Variants in TUSC3 observed in about 807,000 individuals in gnomAD.
TUSC3 encodes the protein tumor suppressor candidate 3.
TUSC3 carries 45 observed loss-of-function variants against 44.8 expected under a neutral mutation model. The ratio of observed to expected loss-of-function variants is 1.00; its 90% CI spans 0.79 to 1.29. The LOEUF is 1.29. Among genes scored for constraint, TUSC3 ranks in the 50% most tolerant of loss-of-function variants. The pLI, the probability that TUSC3 is intolerant of heterozygous loss-of-function variation, is 0.00. For synonymous variants in TUSC3, 212 were observed against 152.9 expected, an observed-to-expected ratio of 1.39 and a Z score of -2.85; for missense variants, 519 against 437.9, an observed-to-expected ratio of 1.19 and a Z score of -1.65.
intron 6 of TUSC3, among the ~76,000 whole-genome samples, chr8:15,694,435 CAAAAAAAAAAA>C (rs146718595): frequency 2.1e-3 from 172 of 83,238 alleles, no homozygotes; most frequent in South Asian, 0.011. Context: ...AAACTCCATC[CAAAAAAAAAAA>C]AAAAAAAAAA....
chr8:15,743,517 C>T lies in TUSC3; in HGVS notation c.863-21C>T, dbSNP rs769646297. 5 of 1,613,234 alleles carry T rather than the reference C, an allele frequency of 3.1e-6. No homozygotes were observed. The Admixed American group carries it at 5.0e-5, about 16-fold the overall frequency. On this transcript the variant is annotated intron_variant, in intron 7 of 10. Coordinates refer to ENST00000503731, the MANE Select transcript of TUSC3 (RefSeq NM_006765.4). ...ATTTTATTCACATCTATGTCTACGG[C>T]TTCCTTGACAACTACTGCAGATGCC...
intron 2 of TUSC3, among the ~76,000 whole-genome samples, chr8:15,627,849 T>G (rs113893787): frequency 6.6e-6 from 1 of 152,192 alleles, no homozygotes; most frequent in African/African-American, 2.4e-5. Context: ...TGGTGTACCG[T>G]TGGCAGGCAT....
chr8:15,630,601 C>T lies in TUSC3; in HGVS notation c.308+7352C>T, dbSNP rs148040757. Among the ~76,000 whole-genome samples, 438 of 152,218 alleles carry T rather than the reference C, an allele frequency of 2.9e-3. 3 individuals are homozygous for T. Among genetic ancestry groups the T allele is most frequent in the East Asian group, 0.029 (148 of 5,180 alleles). ...CTGTTCAGGGTTGCGATTTGTGACTCCAGAGCTATTAGAATTTAATGCTTT... is the reference window on the plus strand; with the variant it reads ...CTGTTCAGGGTTGCGATTTGTGACTTCAGAGCTATTAGAATTTAATGCTTT... On this transcript the variant is annotated intron_variant, in intron 2 of 10. Coordinates refer to ENST00000503731, the MANE Select transcript of TUSC3 (RefSeq NM_006765.4).
chr8:15,554,282 A>G lies in TUSC3; in HGVS notation c.138+13714A>G, dbSNP rs540024229. ...ACTTTCCTAATATTTTGAACTCAGC[A>G]TGGCCACATGACTAACTTTAGCCTG... On this transcript the variant is annotated intron_variant, in intron 1 of 10. Coordinates refer to ENST00000503731, the MANE Select transcript of TUSC3 (RefSeq NM_006765.4). 5.9e-5 allele frequency among the ~76,000 whole-genome samples: 9 copies of G among 151,912 alleles called. No homozygotes were observed. The South Asian group carries it at 1.0e-3, about 18-fold the overall frequency.
At chr8:15,496,918 A>G (rs1273600829) in intron 2 of TUSC3, among the ~76,000 whole-genome samples, 1 of 151,798 alleles carries the variant, frequency 6.6e-6, no homozygotes. Flanking sequence ...TTATTCATTC[A>G]TTGCACGAAT....
rs530394977 is a variant in TUSC3 at position 15,696,753 on chromosome 8, C to T, written c.798+22917C>T. Among the ~76,000 whole-genome samples, 25 of 152,240 alleles carry T rather than the reference C, an allele frequency of 1.6e-4. No homozygotes were observed. In the East Asian group the frequency reaches 4.8e-3, roughly 29 times the overall value. On this transcript the variant is annotated intron_variant, in intron 6 of 10. Transcript: ENST00000503731. ...ATCAGGGATATCTGTCTGTAGTTTT[C>T]TTTTTTGGTTATGTCTTTTCCTGGT...
chr8:15,481,478 C>G (rs796457873), intron 1 of TUSC3, among the ~76,000 whole-genome samples: 1 of 151,984 alleles, frequency 6.6e-6, no homozygotes, highest in South Asian at 2.1e-4. Context: ...ATGCCAGTTC[C>G]TCAATCTTGC....
At chr8:15,626,571 G>A (rs1247964157) in intron 2 of TUSC3, among the ~76,000 whole-genome samples, 1 of 152,196 alleles carries the variant, frequency 6.6e-6, no homozygotes, top group Non-Finnish European at 1.5e-5. Context: ...GTCCACCTGC[G>A]ACTGCGGACT....
At chr8:15,778,969 A>G in the TUSC3 span, among the ~76,000 whole-genome samples, 1 of 152,162 alleles carries the variant, frequency 6.6e-6, no homozygotes, top group Non-Finnish European at 1.5e-5. Flanking sequence ...ATTCACAATA[A>G]TATCACTTCT....
chr8:15,454,479 A>C (rs1337384996), intron 1 of TUSC3, among the ~76,000 whole-genome samples: 1 of 152,212 alleles, frequency 6.6e-6, no homozygotes, highest in African/African-American at 2.4e-5. Flanking sequence ...GATTTGATTT[A>C]GCTAAAGGAA....
At chr8:15,425,094 G>T (rs1230898944) in intron 1 of TUSC3, among the ~76,000 whole-genome samples, 3 of 152,188 alleles carry the variant, frequency 2.0e-5, no homozygotes, top group Admixed American at 6.5e-5. Context: ...CTTTAGGATT[G>T]AGTAAGCTTT....
chr8:15,805,106 A>T, the TUSC3 span, among the ~76,000 whole-genome samples: 1 of 151,972 alleles, frequency 6.6e-6, no homozygotes, highest in African/African-American at 2.4e-5. Flanking sequence ...GTAAATGAGA[A>T]CGTGTTCCTG....
intron 2 of TUSC3, among the ~76,000 whole-genome samples, chr8:15,515,608 T>G (rs1801205615): frequency 6.6e-6 from 1 of 152,086 alleles, no homozygotes; most frequent in Admixed American, 6.5e-5. Context: ...ATTAATCAAG[T>G]TTTTCTGATG....
intron 6 of TUSC3, 64 bp downstream of exon 6, chr8:15,673,900 A>C: frequency 7.3e-7 from 1 of 1,376,162 alleles, no homozygotes; most frequent in East Asian, 2.3e-5. Context: ...GGAATAAGAA[A>C]TTATGTTTAG....
At chr8:15,847,609 C>T in the TUSC3 span, among the ~76,000 whole-genome samples, 2 of 152,124 alleles carry the variant, frequency 1.3e-5, no homozygotes, top group African/African-American at 4.8e-5. Flanking sequence ...TTTTAAAGTA[C>T]TTTTAAAAAG....
the TUSC3 span, among the ~76,000 whole-genome samples, chr8:15,815,647 C>T: frequency 2.0e-5 from 3 of 152,070 alleles, no homozygotes; most frequent in East Asian, 1.9e-4. Flanking sequence ...CCAGGGCAAA[C>T]GTTAGACAGA....
chr8:15,822,910 G>C, the TUSC3 span, among the ~76,000 whole-genome samples: 2 of 152,084 alleles, frequency 1.3e-5, no homozygotes, highest in Non-Finnish European at 2.9e-5. Flanking sequence ...GCAGTGGATT[G>C]AAGTCATATC....
chr8:15,499,918 G>A (rs1286991978), intron 2 of TUSC3, among the ~76,000 whole-genome samples: 1 of 152,056 alleles, frequency 6.6e-6, no homozygotes, highest in Non-Finnish European at 1.5e-5. Context: ...CTGTTTCTCT[G>A]TAGAACCCAG....
chr8:15,650,550 T>TA lies in TUSC3; in HGVS notation c.309-138dup, dbSNP rs201937939. ...TTTTCATGTCAGAGAATCCTTTTTTTAAAAAAAAATATTTTAAAAACTATG... is the reference window on the plus strand; with the variant it reads ...TTTTCATGTCAGAGAATCCTTTTTTTAAAAAAAAAATATTTTAAAAACTATG... On this transcript the variant is annotated intron_variant, in intron 2 of 10. Coordinates refer to ENST00000503731, the MANE Select transcript of TUSC3 (RefSeq NM_006765.4). 5.0e-4 allele frequency: 316 copies of TA among 637,856 alleles called. 1 individual carries two copies. The highest frequency in any genetic ancestry group is 1.5e-3 in the African/African-American group (83 of 53,878). The allele number at this position is 637,856 out of a possible 1,614,324, so 39.5% of individuals were successfully genotyped here.
Sources: allele counts gnomAD v4.1 joint callset (sites outside exome capture counted in the v4.1 genomes callset), GRCh38; gene constraint gnomAD v4.1.1; transcripts MANE v1.5; gene names NCBI Gene and HGNC (gene_info 2026-07-23, HGNC 2026-07-21).